Variants in HK1 observed in about 807,000 individuals in gnomAD.
The protein encoded by HK1 is hexokinase-1.
A neutral mutation model predicts 91.6 loss-of-function variants in HK1; 28 were observed. That is an observed-to-expected ratio of 0.31 (90% CI 0.23 to 0.42). HK1 has a LOEUF of 0.42. Ranked by LOEUF, HK1 falls within the 10% of genes least tolerant of loss-of-function variation. The probability of loss-of-function intolerance (pLI) is 1.00; values close to 1 mark genes in which losing one functional copy is unlikely to be tolerated. For missense variants in HK1, 770 were observed against 1,219.8 expected (o/e 0.63, Z 5.49); for synonymous variants, 430 against 468.1 (o/e 0.92, Z 1.05).
intron 4 of HK1, among the ~76,000 whole-genome samples, chr10:69,366,517 G>A (rs1438227893): frequency 6.6e-6 from 1 of 152,116 alleles, no homozygotes; most frequent in Non-Finnish European, 1.5e-5. Flanking sequence ...CAGGGTCACA[G>A]GGCTTATTAA....
intron 13 of HK1, chr10:69,386,644 T>C (rs1385673291): frequency 2.3e-5 from 9 of 399,108 alleles, no homozygotes; most frequent in Non-Finnish European, 3.8e-5. Context: ...TAGCCAGGCG[T>C]GGTGGTGCGC....
upstream of HK1, among the ~76,000 whole-genome samples, chr10:69,316,269 C>G (rs1846636639): frequency 6.6e-6 from 1 of 152,150 alleles, no homozygotes; most frequent in African/African-American, 2.4e-5. Flanking sequence ...TTTAAATTGG[C>G]TCTCTCAGGA....
intron 14 of HK1, 41 bp downstream of exon 14, chr10:69,389,337 G>T: frequency 6.8e-7 from 1 of 1,475,120 alleles, no homozygotes; most frequent in South Asian, 1.2e-5. Context: ...AGAAGGGAAG[G>T]CTGGGGTTTC....
chr10:69,318,060 A>G (rs1359560260), upstream of HK1: 1 of 985,246 alleles, frequency 1.0e-6, no homozygotes, highest in African/African-American at 1.7e-5. Flanking sequence ...ACAGGCCACG[A>G]CCTGTGGCCC....
At chr10:69,304,547 A>C (rs1244947843) in intron 5 of HK1, among the ~76,000 whole-genome samples, 1 of 152,124 alleles carries the variant, frequency 6.6e-6, no homozygotes, top group African/African-American at 2.4e-5. Flanking sequence ...ACCTCAAGTG[A>C]TCCGCTCGCC....
chr10:69,397,516 C>G (rs191571971), intron 16 of HK1, among the ~76,000 whole-genome samples: 2 of 152,122 alleles, frequency 1.3e-5, no homozygotes, highest in Non-Finnish European at 2.9e-5. Flanking sequence ...TATGACAAGA[C>G]GCCTAGCAGG....
chr10:69,288,473 A>G (rs963759590), intron 2 of HK1, among the ~76,000 whole-genome samples: 6 of 152,192 alleles, frequency 3.9e-5, no homozygotes, highest in Non-Finnish European at 7.3e-5. Flanking sequence ...AGTCTGGGCA[A>G]CAGAGCAATA....
chr10:69,332,618 C>T (rs537905818), intron 1 of HK1, among the ~76,000 whole-genome samples: 52 of 152,004 alleles, frequency 3.4e-4, no homozygotes, highest in African/African-American at 1.2e-3. Flanking sequence ...GCCAAGTGAT[C>T]CACCCACCTC....
At chr10:69,345,584 G>C (rs1334124808) in intron 2 of HK1, among the ~76,000 whole-genome samples, 1 of 152,088 alleles carries the variant, frequency 6.6e-6, no homozygotes, top group Non-Finnish European at 1.5e-5. Context: ...ACCCAGGAGA[G>C]CACCTGCTTT....
At chr10:69,300,618 C>T in intron 4 of HK1, 3 of 719,262 alleles carry the variant, frequency 4.2e-6, no homozygotes, top group South Asian at 3.1e-5. Flanking sequence ...CTTGTTTAGA[C>T]TGCCTGTGAG....
chr10:69,301,755 G>A (rs1371708136), intron 5 of HK1, among the ~76,000 whole-genome samples: 2 of 152,122 alleles, frequency 1.3e-5, no homozygotes, highest in African/African-American at 4.8e-5. Flanking sequence ...TTCATGGATT[G>A]GAAGACACTA....
intron 1 of HK1, among the ~76,000 whole-genome samples, chr10:69,327,798 C>G (rs918152455): frequency 6.6e-6 from 1 of 152,242 alleles, no homozygotes; most frequent in Non-Finnish European, 1.5e-5. Context: ...TGTTTCCATT[C>G]ACATCACAGT....
intron 3 of HK1, among the ~76,000 whole-genome samples, chr10:69,290,316 C>T (rs962666629): frequency 6.6e-6 from 1 of 152,164 alleles, no homozygotes; most frequent in African/African-American, 2.4e-5. Flanking sequence ...ACAATACAAG[C>T]TCAAGGAGTT....
rs1053851980 is a variant in HK1 at position 69,355,823 on chromosome 10, A to G, written c.227-4074A>G. Among the ~76,000 whole-genome samples, 14 of 152,188 alleles carry G rather than the reference A, an allele frequency of 9.2e-5. 1 individual carries two copies. In the East Asian group the frequency reaches 2.5e-3, roughly 27 times the overall value. ...GACTTTGTCTCGAAAAAAAAAATAA[A>G]TGCATACATTACGGTCAATTGACTT... On this transcript the variant is annotated intron_variant, in intron 2 of 17. Coordinates refer to ENST00000359426, the MANE Select transcript of HK1 (RefSeq NM_000188.3).
chr10:69,308,600 G>A (rs754421345), intron 5 of HK1, among the ~76,000 whole-genome samples: 10 of 152,118 alleles, frequency 6.6e-5, no homozygotes, highest in Non-Finnish European at 1.5e-4. Context: ...GTCAGGGGTC[G>A]ATCTGTAACT....
In HK1 at chr10:69,276,118, A is replaced by AAAAATATATATATATATATAT; in HGVS notation, c.-391+6011_-391+6012insAAATATATATATATATATATA. ...AAAAAAAAAAAAAAAAAAAAAAAAA[A>AAAAATATATATATATATATAT]ATACATATATATATATATATACACA... On this transcript the variant is annotated intron_variant, in intron 1 of 21. Coordinates refer to the HK1 transcript ENST00000360289. Among the ~76,000 whole-genome samples the AAAAATATATATATATATATAT allele has an allele frequency of 3.4e-4, 13 of 38,262 alleles. 1 individual carries two copies. Among genetic ancestry groups the AAAAATATATATATATATATAT allele is most frequent in the Non-Finnish European group, 4.1e-4 (8 of 19,632 alleles). 25.1% of individuals were successfully genotyped at this position (38,262 alleles called of 152,430 possible). A position where few individuals can be genotyped will look rare whatever the true frequency, so the allele number is the denominator to read the frequency against.
At position 69,285,197 on chromosome 10, in the gene HK1, G is replaced by C. The variant is rs546874820; in HGVS notation, c.-215+2493G>C. 4.3e-3 allele frequency among the ~76,000 whole-genome samples: 653 copies of C among 152,228 alleles called. 5 individuals carry two copies. The highest frequency in any genetic ancestry group is 0.014 in the African/African-American group (600 of 41,568). On this transcript the variant is annotated intron_variant, in intron 2 of 21. Transcript: ENST00000360289. ...CGCCTGTAATCCCAACACTTTGGGA[G>C]GCCGAGGTGGGTGGATCGCAAGGTC... is the stretch of plus-strand genomic sequence containing the variant.
intron 2 of HK1, among the ~76,000 whole-genome samples, chr10:69,348,225 C>T (rs1848667585): frequency 6.6e-6 from 1 of 152,084 alleles, no homozygotes; most frequent in Non-Finnish European, 1.5e-5. Flanking sequence ...TTTCTAGAAG[C>T]TTGGATGTGC....
intron 1 of HK1, among the ~76,000 whole-genome samples, chr10:69,275,791 A>G (rs1022986404): frequency 6.6e-6 from 1 of 152,088 alleles, no homozygotes; most frequent in Non-Finnish European, 1.5e-5. Context: ...ATGTGCACTT[A>G]AAATATATTC....
Sources: gnomAD v4.1 joint callset for allele counts (sites outside exome capture counted in the v4.1 genomes callset) on GRCh38, gnomAD v4.1.1 for gene constraint, MANE v1.5 for transcripts, NCBI Gene and HGNC (gene_info 2026-07-23, HGNC 2026-07-21) for gene names.